The following ADAMTS16 variants were observed in gnomAD, a reference collection of about 807,000 sequenced individuals.
ADAMTS16 encodes A disintegrin and metalloproteinase with thrombospondin motifs 16.
A neutral mutation model predicts 145.8 loss-of-function variants in ADAMTS16; 94 were observed. The ratio of observed to expected loss-of-function variants is 0.64; its 90% confidence interval spans 0.55 to 0.77. The LOEUF is 0.77. Ranked by LOEUF, ADAMTS16 falls within the 30% of genes least tolerant of loss-of-function variation. The pLI, the probability that ADAMTS16 is intolerant of heterozygous loss-of-function variation, is 0.00. For missense variants in ADAMTS16, 1,585 were observed against 1,591.5 expected (o/e 1.00, Z 0.07); for synonymous variants, 659 against 604.3 (o/e 1.09, Z -1.33).
At chr5:5,183,655 C>T (rs1421884470) in intron 4 of ADAMTS16, among the ~76,000 whole-genome samples, 2 of 152,176 alleles carry the variant, frequency 1.3e-5, no homozygotes, top group African/African-American at 4.8e-5. Context: ...TCGTTCCTCT[C>T]TGAAGGTGGT....
rs533113845 is a variant in ADAMTS16, at chr5:5,235,866, G to A, written c.2023+680G>A. Among the ~76,000 whole-genome samples the A allele has an allele frequency of 1.5e-4, 23 of 152,298 alleles. No individual in the cohort carries two copies. In the South Asian group the frequency reaches 3.9e-3, roughly 26 times the overall value. ...CCCTTTGGATGTACATAAGTGGGAC[G>A]TCCCATCTGACATTCCCATTCATCA... is the stretch of plus-strand genomic sequence containing the variant. On this transcript the variant is annotated intron_variant, in intron 13 of 22. Coordinates refer to ENST00000274181, the MANE Select transcript of ADAMTS16 (RefSeq NM_139056.4).
intron 9 of ADAMTS16, 152 bp from the exon 10 acceptor site, chr5:5,208,941 T>C: frequency 1.5e-6 from 1 of 676,402 alleles, no homozygotes; most frequent in Non-Finnish European, 2.4e-6. Flanking sequence ...TTAAGATAAG[T>C]ATTATATTGT....
intron 9 of ADAMTS16, among the ~76,000 whole-genome samples, chr5:5,206,836 G>A (rs902120194): frequency 5.3e-5 from 8 of 152,084 alleles, no homozygotes; most frequent in African/African-American, 1.9e-4. Context: ...CAGTTTAAAA[G>A]GCTATCTTTT....
At chr5:5,272,286 T>G (rs1397447926) in intron 18 of ADAMTS16, among the ~76,000 whole-genome samples, 1 of 151,828 alleles carries the variant, frequency 6.6e-6, no homozygotes, top group Non-Finnish European at 1.5e-5. Context: ...CTGCGCAGCC[T>G]CCAGTGCTCC....
At chr5:5,204,556 C>A (rs1175341218) in intron 9 of ADAMTS16, among the ~76,000 whole-genome samples, 4 of 152,204 alleles carry the variant, frequency 2.6e-5, no homozygotes, top group Non-Finnish European at 5.9e-5. Context: ...AGGAGTTATG[C>A]ACCCTTGTGC....
At chr5:5,253,281 G>A (rs183085671) in intron 17 of ADAMTS16, among the ~76,000 whole-genome samples, 5 of 152,334 alleles carry the variant, frequency 3.3e-5, no homozygotes, top group Admixed American at 2.6e-4. Flanking sequence ...TAATCAATAT[G>A]TGTAAGATGT....
chr5:5,167,675 C>T (rs1170824232), intron 3 of ADAMTS16, among the ~76,000 whole-genome samples: 3 of 152,170 alleles, frequency 2.0e-5, no homozygotes, highest in African/African-American at 7.2e-5. Context: ...GCCACTTCTC[C>T]TTTGTCTAGC....
intron 18 of ADAMTS16, among the ~76,000 whole-genome samples, chr5:5,276,715 G>A (rs1223683772): frequency 1.3e-5 from 2 of 152,182 alleles, no homozygotes; most frequent in South Asian, 2.1e-4. Flanking sequence ...CAGTGGGGCT[G>A]CTTGCATTTG....
chr5:5,301,304 C>T (rs530022394), intron 18 of ADAMTS16, among the ~76,000 whole-genome samples: 10 of 152,268 alleles, frequency 6.6e-5, no homozygotes, highest in South Asian at 4.2e-4. Context: ...CTTAAGCATC[C>T]TCCTTCTAGG....
intron 2 of ADAMTS16, among the ~76,000 whole-genome samples, chr5:5,145,332 A>G (rs1290986723): frequency 6.6e-6 from 1 of 152,244 alleles, no homozygotes; most frequent in African/African-American, 2.4e-5. Context: ...ATATTTGATA[A>G]TAATCTAGGC....
intron 11 of ADAMTS16, among the ~76,000 whole-genome samples, chr5:5,225,756 T>C (rs1736742877): frequency 6.6e-6 from 1 of 152,050 alleles, no homozygotes; most frequent in Admixed American, 6.5e-5. Context: ...GATTCGTGAG[T>C]ATAAAGAAAA....
chr5:5,294,046 TTATAG>T (rs1277851367), intron 18 of ADAMTS16, among the ~76,000 whole-genome samples: 4 of 152,156 alleles, frequency 2.6e-5, no homozygotes, highest in Admixed American at 6.5e-5. Flanking sequence ...GTTTCATATA[TTATAG>T]TAATGTTGTG....
At chr5:5,244,220 G>T (rs567156291) in intron 17 of ADAMTS16, among the ~76,000 whole-genome samples, 3 of 152,074 alleles carry the variant, frequency 2.0e-5, no homozygotes, top group Non-Finnish European at 4.4e-5. Context: ...TATCCTGCAG[G>T]GTTTGAACTA....
Position 5,187,776 on chromosome 5 carries a change from A to G in ADAMTS16, c.1015A>G (p.Ile339Val). The G allele has an allele frequency of 6.2e-7, 1 of 1,611,758 alleles. No homozygotes were observed. Among genetic ancestry groups the G allele is most frequent in the Non-Finnish European group, 8.5e-7 (1 of 1,177,940 alleles). The stretch of plus-strand genomic sequence containing the variant: ...AATAGGAGGAAACATCAACATTGCA[A>G]TTGTAGGTCTGATTCTTCTAGAAGA... ...GTIGGNINIA[I>V]VGLILLEDEQ... Residue 339 changes from isoleucine to valine, a missense_variant, in exon 6 of 23, where the codon ATT (isoleucine) becomes GTT (valine). Around this residue, in one of 3 missense-constraint regions of ADAMTS16, gnomAD observed 298 missense variants for 367.6 expected, o/e 0.81. Coordinates refer to ENST00000274181, the MANE Select transcript of ADAMTS16 (RefSeq NM_139056.4).
intron 18 of ADAMTS16, among the ~76,000 whole-genome samples, chr5:5,285,976 G>A (rs181624543): frequency 5.3e-5 from 8 of 152,266 alleles, no homozygotes; most frequent in East Asian, 1.9e-4. Context: ...CGACTTGTGC[G>A]TATGTAGACT....
rs1231780499 is a variant in ADAMTS16, at chr5:5,317,011, G to A, written c.3412-1123G>A. Among the ~76,000 whole-genome samples, 1 of 152,120 alleles carries A rather than the reference G, an allele frequency of 6.6e-6. No individual in the cohort carries two copies. Among genetic ancestry groups the A allele is most frequent in the Non-Finnish European group, 1.5e-5 (1 of 68,036 alleles). ...TCCATACCTAGATTAATTTTGGCCA[G>A]CCACTCACAGTTGTAGACAGAGAGA... On this transcript the variant is annotated intron_variant, in intron 21 of 22. Coordinates refer to ENST00000274181, the MANE Select transcript of ADAMTS16 (RefSeq NM_139056.4). The surrounding 1 kb of genome is among the most constrained non-coding windows in gnomAD (Gnocchi z 4.5).
intron 21 of ADAMTS16, among the ~76,000 whole-genome samples, chr5:5,309,194 T>C (rs1740312228): frequency 6.6e-6 from 1 of 152,244 alleles, no homozygotes; most frequent in Admixed American, 6.5e-5. Flanking sequence ...GCACAGTATT[T>C]GCATGCAGCC....
chr5:5,187,669 A>C, intron 5 of ADAMTS16, 56 bp from the exon 6 acceptor site: 1 of 1,193,496 alleles, frequency 8.4e-7, no homozygotes, highest in Non-Finnish European at 1.3e-6. Context: ...GCCCGCTAGT[A>C]AGTAGGGGGG....
intron 17 of ADAMTS16, among the ~76,000 whole-genome samples, chr5:5,250,705 C>CTGTGTGTGTGTG (rs1342870465): frequency 0.097 from 389 of 4,020 alleles, 2 homozygotes; most frequent in African/African-American, 0.14. Flanking sequence ...TCTGTCTCTT[C>CTGTGTGTGTGTG]TCTCTGTGTG....
Sources: allele counts gnomAD v4.1 joint callset (sites outside exome capture counted in the v4.1 genomes callset), GRCh38; gene constraint gnomAD v4.1.1; regional missense constraint gnomAD v4.1.1; non-coding constraint Gnocchi (gnomAD v3.1); transcripts MANE v1.5; gene names NCBI Gene and HGNC (gene_info 2026-07-23, HGNC 2026-07-21).